TMEM131L: variants seen among roughly 807,000 people sequenced by gnomAD.
The protein encoded by TMEM131L is transmembrane protein 131-like.
Under a neutral mutation model 192.2 loss-of-function variants are expected in TMEM131L, and 54 were observed. The observed-to-expected ratio is 0.28, with a 90% CI of 0.23 to 0.35. TMEM131L has a LOEUF of 0.35. Ranked by LOEUF, TMEM131L falls within the 10% of genes least tolerant of loss-of-function variation. The probability of loss-of-function intolerance (pLI) is 1.00; values close to 1 mark genes in which losing one functional copy is unlikely to be tolerated. For missense variants in TMEM131L, 1,888 were observed against 1,972.9 expected (o/e 0.96, Z 0.82); for synonymous variants, 701 against 704.9 (o/e 0.99, Z 0.09).
Position 153,635,515 on chromosome 4 carries a change from A to G in TMEM131L, c.4501A>G (p.Asn1501Asp). ...TGATCACAACTCTCAGTCTACCTGG[A>G]ACACCCCACCCAACATGCCTGCTGC... is the stretch of plus-strand genomic sequence containing the variant. ...FIDHNSQSTW[N>D]TPPNMPAAWG... Residue 1501 changes from asparagine (N) to aspartate (D), a missense_variant, in exon 34 of 35, where the codon AAC (asparagine) becomes GAC (aspartate). Coordinates refer to ENST00000409959, the MANE Select transcript of TMEM131L (RefSeq NM_001131007.2). 1 of 1,614,170 alleles carries G rather than the reference A, an allele frequency of 6.2e-7. No homozygotes were observed. The highest frequency in any genetic ancestry group is 8.5e-7 in the Non-Finnish European group (1 of 1,180,018).
chr4:153,590,694 C>T (rs1053688743), intron 16 of TMEM131L, among the ~76,000 whole-genome samples: 18 of 151,922 alleles, frequency 1.2e-4, no homozygotes, highest in Non-Finnish European at 5.9e-5. Flanking sequence ...GAGTGTTTCT[C>T]TTGCTTTTAA....
intron 9 of TMEM131L, among the ~76,000 whole-genome samples, chr4:153,582,429 TGTTG>T (rs377495763): frequency 0.037 from 4,470 of 119,834 alleles, 562 homozygotes; most frequent in African/African-American, 0.19. Flanking sequence ...CGTTTTTTTT[TGTTG>T]TTTTTTTTTT....
At chr4:153,594,727 A>G (rs922272272) in intron 19 of TMEM131L, among the ~76,000 whole-genome samples, 1 of 152,162 alleles carries the variant, frequency 6.6e-6, no homozygotes, top group African/African-American at 2.4e-5. Flanking sequence ...ACCCATTACC[A>G]CAGACTCTCC....
intron 25 of TMEM131L, 117 bp from the exon 26 acceptor site, chr4:153,612,135 A>G (rs1016919856): frequency 2.1e-5 from 14 of 664,162 alleles, no homozygotes; most frequent in Non-Finnish European, 2.9e-5. Context: ...GTTAAAAACA[A>G]TGCTAAATTT....
chr4:153,519,240 A>T (rs1416400393), intron 3 of TMEM131L, among the ~76,000 whole-genome samples: 1 of 152,082 alleles, frequency 6.6e-6, no homozygotes, highest in East Asian at 1.9e-4. Flanking sequence ...CTGGAATTTC[A>T]GCAGTTGTTC....
chr4:153,557,191 C>A, intron 6 of TMEM131L, 109 bp downstream of exon 6: 1 of 659,550 alleles, frequency 1.5e-6, no homozygotes, highest in East Asian at 2.8e-5. Flanking sequence ...TGGTTTATGT[C>A]GTTAAAATAC....
In TMEM131L at chr4:153,558,143, A is replaced by G. The variant is rs750645489; in HGVS notation, c.550-115A>G. 1.7e-5 allele frequency: 9 copies of G among 531,342 alleles called. No individual in the cohort carries two copies. In the Admixed American group the frequency reaches 1.8e-4, roughly 10 times the overall value. 32.9% of individuals were successfully genotyped at this position (531,342 alleles called of 1,614,324 possible). A position where few individuals can be genotyped will look rare whatever the true frequency, so the allele number is the denominator to read the frequency against. On this transcript the variant is annotated intron_variant, in intron 6 of 34. Transcript: ENST00000409959. ...ATAAATAAAATAATTGGATTAGTAG[A>G]GTCTTGAAGGCCATGCTGATGAATA...
At chr4:153,501,966 T>C (rs1042527264) in intron 3 of TMEM131L, among the ~76,000 whole-genome samples, 4 of 148,364 alleles carry the variant, frequency 2.7e-5, no homozygotes, top group African/African-American at 1.0e-4. Flanking sequence ...TTTTTTTTTT[T>C]AAATGGAGAC....
At chr4:153,593,227 G>C (rs916256726) in intron 18 of TMEM131L, among the ~76,000 whole-genome samples, 12 of 151,686 alleles carry the variant, frequency 7.9e-5, no homozygotes, top group Non-Finnish European at 1.2e-4. Flanking sequence ...CCAGCTTCTC[G>C]TTTAGTAAGA....
intron 3 of TMEM131L, among the ~76,000 whole-genome samples, chr4:153,495,523 A>G (rs1028295645): frequency 6.6e-6 from 1 of 152,160 alleles, no homozygotes; most frequent in Non-Finnish European, 1.5e-5. Context: ...AAAAGGTTGC[A>G]TTCTTTTGAG....
At chr4:153,498,641 G>A (rs889693595) in intron 3 of TMEM131L, among the ~76,000 whole-genome samples, 2 of 152,174 alleles carry the variant, frequency 1.3e-5, no homozygotes, top group East Asian at 3.9e-4. Context: ...AGGGTTTATA[G>A]AGAGTGTGAA....
chr4:153,573,978 C>T (rs1217760285), intron 7 of TMEM131L, among the ~76,000 whole-genome samples: 1 of 152,162 alleles, frequency 6.6e-6, no homozygotes, highest in Middle Eastern at 3.2e-3. Flanking sequence ...CAGTGGTTTG[C>T]ATATGTATCT....
chr4:153,500,799 TCACA>T (rs1188602083), intron 3 of TMEM131L, among the ~76,000 whole-genome samples: 45 of 152,304 alleles, frequency 3.0e-4, no homozygotes. Context: ...ACACACACGC[TCACA>T]CACGCGTGCA....
chr4:153,603,622 A>AT, intron 24 of TMEM131L, 170 bp downstream of exon 24: 1 of 980,400 alleles, frequency 1.0e-6, no homozygotes. Context: ...GATAGTCTCC[A>AT]TGCAAGGACT....
chr4:153,603,001 T>C (rs1215283006), intron 23 of TMEM131L, among the ~76,000 whole-genome samples: 1 of 152,200 alleles, frequency 6.6e-6, no homozygotes, highest in Non-Finnish European at 1.5e-5. Context: ...ATGATATGAA[T>C]GTTAATTACT....
At chr4:153,516,084 A>G (rs530303799) in intron 3 of TMEM131L, among the ~76,000 whole-genome samples, 69 of 152,186 alleles carry the variant, frequency 4.5e-4, no homozygotes, top group African/African-American at 1.6e-3. Context: ...TTTTTGAGTC[A>G]TGTACTATAA....
intron 2 of TMEM131L, 137 bp downstream of exon 2, chr4:153,467,418 C>G (rs1032656315): frequency 1.4e-6 from 1 of 723,594 alleles, no homozygotes. Context: ...CGTTAGGGGC[C>G]GAGCCTGAAC....
chr4:153,533,898 A>C (rs555244544), intron 3 of TMEM131L, among the ~76,000 whole-genome samples: 1 of 152,302 alleles, frequency 6.6e-6, no homozygotes, highest in East Asian at 1.9e-4. Context: ...TATATTTTTT[A>C]AGCTGAAAAA....
At position 153,467,237 on chromosome 4, in the gene TMEM131L, G is replaced by T; in HGVS notation, c.151G>T (p.Glu51Ter). 1 of 1,551,760 alleles carries T rather than the reference G, an allele frequency of 6.4e-7. No homozygotes were observed. Among genetic ancestry groups the T allele is most frequent in the Non-Finnish European group, 8.7e-7 (1 of 1,146,976 alleles). ...GATTGAGCCGTTGCCGAACGTGGTG[G>T]AGCTGTGGCAGGCAGAAGAAGGGGA... ...QAIEPLPNVV[E>*]LWQAEEGELL... is the part of the protein sequence containing the mutation. The change falls in exon 2 of 35, where the codon GAG becomes TAG. Residue 51 changes from glutamate (E) to a stop codon, truncating the protein, a stop_gained. Coordinates refer to ENST00000409959, the MANE Select transcript of TMEM131L (RefSeq NM_001131007.2). LOFTEE classifies it high-confidence loss of function.
Sources: gnomAD v4.1 joint callset for allele counts (sites outside exome capture counted in the v4.1 genomes callset) on GRCh38, gnomAD v4.1.1 for gene constraint, MANE v1.5 for transcripts, NCBI Gene and HGNC (gene_info 2026-07-23, HGNC 2026-07-21) for gene names.